Variants in GFRA1 observed in about 807,000 individuals in gnomAD.
GFRA1 encodes GDNF family receptor alpha 1.
GFRA1 carries 16 observed loss-of-function variants against 51.6 expected under a neutral mutation model. That is an observed-to-expected ratio of 0.31 (90% CI 0.21 to 0.47). The LOEUF (loss-of-function observed/expected upper bound fraction) is 0.47, where lower values mean the gene tolerates loss of function less well. Ranked by LOEUF, GFRA1 falls within the 20% of genes least tolerant of loss-of-function variation. The pLI, the probability that GFRA1 is intolerant of heterozygous loss-of-function variation, is 1.00. For synonymous variants in GFRA1, 270 were observed against 241.3 expected (o/e 1.12, Z -1.10); for missense variants, 530 against 594.3 (o/e 0.89, Z 1.13).
At chr10:116,268,173 G>C (rs1312582814) in intron 4 of GFRA1, among the ~76,000 whole-genome samples, 1 of 152,100 alleles carries the variant, frequency 6.6e-6, no homozygotes, top group Non-Finnish European at 1.5e-5. Flanking sequence ...AGTAGCAAAG[G>C]GTAGATGTTA....
At position 116,257,566 on chromosome 10, in the gene GFRA1, A is replaced by T. The variant is rs186200764; in HGVS notation, c.418+11937T>A. 2.0e-3 allele frequency among the ~76,000 whole-genome samples: 309 copies of T among 152,224 alleles called. 1 individual carries two copies. The highest frequency in any genetic ancestry group is 7.1e-3 in the African/African-American group (293 of 41,530). ...TCCTGGGCTCATTTTTTGTTTTCCC[A>T]GAAGGTGCCTTCTATGATGAGAGGT... On this transcript the variant is annotated intron_variant, in intron 4 of 10. Transcript: ENST00000355422.
At chr10:116,105,076 A>T (rs912600966) in intron 6 of GFRA1, among the ~76,000 whole-genome samples, 1 of 152,196 alleles carries the variant, frequency 6.6e-6, no homozygotes, top group Non-Finnish European at 1.5e-5. Flanking sequence ...CACACAGAAA[A>T]CCTAGCTTTA....
chr10:116,058,072 C>A lies in GFRA1; in HGVS notation c.*6326G>T, dbSNP rs1954637926. ...AGAGAACCACGCTTTATTGGCGGAGCCTTATGTGCCAGCGAACTGAGAAGG... is the reference window on the plus strand; with the variant it reads ...AGAGAACCACGCTTTATTGGCGGAGACTTATGTGCCAGCGAACTGAGAAGG... On this transcript the variant is annotated 3_prime_UTR_variant, in exon 11 of 11. Coordinates refer to ENST00000355422, the MANE Select transcript of GFRA1 (RefSeq NM_005264.8). 1 of 144,268 alleles carries A rather than the reference C, an allele frequency of 6.9e-6. No individual in the cohort carries two copies. Among genetic ancestry groups the A allele is most frequent in the Non-Finnish European group, 1.5e-5 (1 of 66,970 alleles). The allele number at this position is 144,268 out of a possible 1,614,324, so 8.9% of individuals were successfully genotyped here. A position where few individuals can be genotyped will look rare whatever the true frequency, so the allele number is the denominator to read the frequency against.
chr10:116,196,095 G>A (rs374398260), intron 5 of GFRA1, among the ~76,000 whole-genome samples: 12 of 151,386 alleles, frequency 7.9e-5, no homozygotes, highest in African/African-American at 2.9e-4. Context: ...ATTCTAGCAA[G>A]GAACAAGTAA....
chr10:116,189,203 T>A (rs1963026622), intron 5 of GFRA1, among the ~76,000 whole-genome samples: 2 of 151,588 alleles, frequency 1.3e-5, no homozygotes, highest in South Asian at 4.2e-4. Flanking sequence ...GACTTAAAGG[T>A]GGGATACACC....
At chr10:116,268,681 G>A (rs751816112) in intron 4 of GFRA1, among the ~76,000 whole-genome samples, 3 of 152,144 alleles carry the variant, frequency 2.0e-5, no homozygotes, top group Non-Finnish European at 4.4e-5. Flanking sequence ...TTTAACCACT[G>A]AGAGACATAT....
chr10:116,236,947 A>T (rs1966912914), intron 4 of GFRA1, among the ~76,000 whole-genome samples: 1 of 152,248 alleles, frequency 6.6e-6, no homozygotes, highest in Admixed American at 6.5e-5. Context: ...CAGGCCTTCA[A>T]ATAAGAACTT....
chr10:116,154,239 G>A (rs1959164023), intron 5 of GFRA1, among the ~76,000 whole-genome samples: 1 of 152,184 alleles, frequency 6.6e-6, no homozygotes, highest in African/African-American at 2.4e-5. Context: ...CAACAGGAAT[G>A]TGTCTATACG....
At chr10:116,149,163 G>A (rs1958958505) in intron 5 of GFRA1, among the ~76,000 whole-genome samples, 1 of 152,102 alleles carries the variant, frequency 6.6e-6, no homozygotes, top group African/African-American at 2.4e-5. Flanking sequence ...AATTATTGAG[G>A]ATCTCAACAT....
intron 5 of GFRA1, among the ~76,000 whole-genome samples, chr10:116,160,454 T>TTATC (rs1369100776): frequency 6.6e-6 from 1 of 152,240 alleles, no homozygotes; most frequent in Non-Finnish European, 1.5e-5. Flanking sequence ...CAAACATCAC[T>TTATC]TATCCATCTC....
At chr10:116,175,967 A>T (rs1431227513) in intron 5 of GFRA1, among the ~76,000 whole-genome samples, 1 of 149,588 alleles carries the variant, frequency 6.7e-6, no homozygotes, top group African/African-American at 2.5e-5. Context: ...TAAGTGAATT[A>T]AAAAAAAAAT....
At chr10:116,066,619 C>T (rs1437447232) in intron 9 of GFRA1, among the ~76,000 whole-genome samples, 2 of 152,222 alleles carry the variant, frequency 1.3e-5, no homozygotes, top group African/African-American at 2.4e-5. Flanking sequence ...GTGACTAATT[C>T]AAGGTCACAC....
At chr10:116,145,788 A>G (rs973673013) in intron 5 of GFRA1, among the ~76,000 whole-genome samples, 1 of 152,174 alleles carries the variant, frequency 6.6e-6, no homozygotes, top group Non-Finnish European at 1.5e-5. Flanking sequence ...ATTAGTCGCT[A>G]TTATAACCCA....
intron 5 of GFRA1, among the ~76,000 whole-genome samples, chr10:116,191,312 C>T (rs1226402722): frequency 2.0e-5 from 3 of 152,166 alleles, no homozygotes; most frequent in East Asian, 1.9e-4. Context: ...GCTAGAGCCT[C>T]GGCTCTGTTC....
intron 5 of GFRA1, among the ~76,000 whole-genome samples, chr10:116,161,445 C>T (rs1310608017): frequency 6.6e-6 from 1 of 152,170 alleles, no homozygotes; most frequent in African/African-American, 2.4e-5. Flanking sequence ...AAGCTTCTTG[C>T]ATCAGAAAGG....
At chr10:116,078,640 A>G (rs1955717073) in intron 9 of GFRA1, among the ~76,000 whole-genome samples, 3 of 152,230 alleles carry the variant, frequency 2.0e-5, no homozygotes, top group African/African-American at 7.2e-5. Flanking sequence ...GCAGGAGACC[A>G]TTACGCAGAG....
intron 4 of GFRA1, among the ~76,000 whole-genome samples, chr10:116,253,125 G>T (rs1968526114): frequency 6.6e-6 from 1 of 152,212 alleles, no homozygotes; most frequent in Non-Finnish European, 1.5e-5. Flanking sequence ...CTAAAGGAGG[G>T]CTTCGCAAAA....
At chr10:116,142,464 C>T (rs1049411795) in intron 5 of GFRA1, among the ~76,000 whole-genome samples, 1 of 152,106 alleles carries the variant, frequency 6.6e-6, no homozygotes, top group African/African-American at 2.4e-5. Flanking sequence ...CAAAAATCCC[C>T]AAGACCTTTC....
intron 5 of GFRA1, among the ~76,000 whole-genome samples, chr10:116,179,908 G>C (rs1962043363): frequency 6.6e-6 from 1 of 152,162 alleles, no homozygotes; most frequent in South Asian, 2.1e-4. Flanking sequence ...CATTAGCCCA[G>C]AGAGGTTGGT....
Sources: allele counts gnomAD v4.1 joint callset (sites outside exome capture counted in the v4.1 genomes callset), GRCh38; gene constraint gnomAD v4.1.1; transcripts MANE v1.5; gene names NCBI Gene and HGNC (gene_info 2026-07-23, HGNC 2026-07-21).